Variants in ZBTB41 observed in about 807,000 individuals in gnomAD.
ZBTB41 encodes the protein zinc finger and BTB domain containing 41.
A neutral mutation model predicts 87.6 loss-of-function variants in ZBTB41; 42 were observed. The ratio of observed to expected loss-of-function variants is 0.48; its 90% CI spans 0.37 to 0.62. The LOEUF is 0.62. Among genes scored for constraint, ZBTB41 ranks in the 20% least tolerant of loss-of-function variants. The pLI is 0.00. For synonymous variants in ZBTB41, 364 were observed against 364.0 expected (o/e 1.00, Z 0.00); for missense variants, 799 against 1,078.9 (o/e 0.74, Z 3.63).
In ZBTB41 at chr1:197,172,179, C is replaced by G; in HGVS notation, c.2055G>C (p.Met685Ile). Residue 685 changes from methionine (M) to isoleucine (I), a missense_variant, in exon 10 of 11, where the codon ATG becomes ATC. Met to Ile is a conservative substitution (Grantham distance 10, BLOSUM62 1). Around this residue, in one of 5 missense-constraint regions of ZBTB41, gnomAD observed 198 missense variants for 358.4 expected, o/e 0.55. Coordinates refer to ENST00000367405, the MANE Select transcript of ZBTB41 (RefSeq NM_194314.3). ...KIFKGKSSLE[M>I]HFRTHSGEKP... Reference sequence around the variant, plus strand: ...TTTTACCTGAATGCGTTCGAAAATGCATTTCCAGACTTGATTTGCCTTTAA... The same window carrying G: ...TTTTACCTGAATGCGTTCGAAAATGGATTTCCAGACTTGATTTGCCTTTAA... The G allele has an allele frequency of 7.0e-7, 1 of 1,428,040 alleles. No homozygotes were observed. Among genetic ancestry groups the G allele is most frequent in the Non-Finnish European group, 9.3e-7 (1 of 1,077,312 alleles). The allele number at this position is 1,428,040 out of a possible 1,614,324, so 88.5% of individuals were successfully genotyped here.
chr1:197,159,316 T>C lies in ZBTB41; in HGVS notation c.*43A>G. Reference sequence around the variant, plus strand: ...ATTTAAAAGCTATCATCTCTACCATTAGCATATAACCATCCAAAAATCTGT... The same window carrying C: ...ATTTAAAAGCTATCATCTCTACCATCAGCATATAACCATCCAAAAATCTGT... On this transcript the variant is annotated 3_prime_UTR_variant, in exon 11 of 11. Coordinates refer to ENST00000367405, the MANE Select transcript of ZBTB41 (RefSeq NM_194314.3). The C allele has an allele frequency of 6.3e-7, 1 of 1,581,228 alleles. No individual in the cohort carries two copies. The highest frequency in any genetic ancestry group is 8.7e-7 in the Non-Finnish European group (1 of 1,155,082).
At chr1:197,172,561 T>C (rs911752816) in intron 9 of ZBTB41, among the ~76,000 whole-genome samples, 4 of 151,856 alleles carry the variant, frequency 2.6e-5, no homozygotes, top group Admixed American at 2.0e-4. Flanking sequence ...TATCCAAATA[T>C]ACAAAAAGAA....
rs1659266737 is a variant in ZBTB41, at chr1:197,164,378, T to C, written c.2075-4364A>G. On this transcript the variant is annotated intron_variant, in intron 10 of 10. Transcript: ENST00000367405. ...GAAAAAAGCATCAAGGAATCAATTG[T>C]GTGAACAGCATGATGATACATTCAA... 2.0e-5 allele frequency among the ~76,000 whole-genome samples: 3 copies of C among 151,834 alleles called. No homozygotes were observed. The South Asian group carries it at 6.2e-4, about 31-fold the overall frequency.
At chr1:197,199,103 G>A (rs10494749) in intron 2 of ZBTB41, among the ~76,000 whole-genome samples, 11,885 of 152,036 alleles carry the variant, frequency 0.078, 1,541 homozygotes, top group African/African-American at 0.27. Context: ...GTCTTTCATA[G>A]CAAATACATG....
rs538768267 is a variant in ZBTB41, at chr1:197,178,506, A to G, written c.1683T>C (p.Thr561=). ...TGTGGATTCTCAAATGTTCTTTCAA[A>G]GTAGTTCTGCATTAAAATATATAGA... The part of the protein sequence containing the change: ...ICGKSVRERT[T]LKEHLRIHSG... The change falls in exon 7 of 11, where the codon ACT becomes ACC. Residue 561 remains threonine, a synonymous_variant. Coordinates refer to ENST00000367405, the MANE Select transcript of ZBTB41 (RefSeq NM_194314.3). 5.8e-5 allele frequency: 93 copies of G among 1,603,422 alleles called. No homozygotes were observed. The East Asian group carries it at 2.1e-3, about 35-fold the overall frequency.
intron 5 of ZBTB41, among the ~76,000 whole-genome samples, chr1:197,183,446 C>G (rs1018162850): frequency 3.9e-5 from 6 of 152,194 alleles, no homozygotes; most frequent in African/African-American, 1.4e-4. Flanking sequence ...TCTACTTCCA[C>G]TTCTACATCA....
In ZBTB41 at chr1:197,182,489, C is replaced by T. The variant is rs534641474; in HGVS notation, c.1547-1372G>A. The stretch of plus-strand genomic sequence containing the variant: ...ACAGTATCTCACTAGGTTGCCCAGG[C>T]TGGTCTCAAACTCCTGGGCTCAAGT... On this transcript the variant is annotated intron_variant, in intron 5 of 10. Transcript: ENST00000367405. Among the ~76,000 whole-genome samples, 52 of 117,226 alleles carry T rather than the reference C, an allele frequency of 4.4e-4. No individual in the cohort carries two copies. In the Middle Eastern group the frequency reaches 0.017, roughly 39 times the overall value. The allele number at this position is 117,226 out of a possible 152,430, so 76.9% of individuals were successfully genotyped here. A position where few individuals can be genotyped will look rare whatever the true frequency, so the allele number is the denominator to read the frequency against.
At chr1:197,185,822 G>A (rs1046279721) in intron 5 of ZBTB41, among the ~76,000 whole-genome samples, 20 of 151,880 alleles carry the variant, frequency 1.3e-4, no homozygotes, top group Non-Finnish European at 2.2e-4. Flanking sequence ...TACAAAACTC[G>A]GATGAAAGAA....
Position 197,156,844 on chromosome 1 carries a change from G to C in ZBTB41, c.*2515C>G, listed in dbSNP as rs1462290686. 2.0e-5 allele frequency: 3 copies of C among 152,018 alleles called. No homozygotes were observed. Among genetic ancestry groups the C allele is most frequent in the African/African-American group, 7.3e-5 (3 of 41,338 alleles). 9.4% of individuals were successfully genotyped at this position (152,018 alleles called of 1,614,324 possible). ...ATTAAATGACAGGATGTAGTACCTG[G>C]CACATAGTAAGCATTCATTAATGCT... On this transcript the variant is annotated 3_prime_UTR_variant, in exon 11 of 11. Coordinates refer to ENST00000367405, the MANE Select transcript of ZBTB41 (RefSeq NM_194314.3).
chr1:197,179,982 A>G (rs893714526), intron 6 of ZBTB41, among the ~76,000 whole-genome samples: 1 of 152,038 alleles, frequency 6.6e-6, no homozygotes, highest in African/African-American at 2.4e-5. Context: ...CAGTGTTTAT[A>G]AAGTCTACAT....
At position 197,170,228 on chromosome 1, in the gene ZBTB41, A is replaced by AAT. The variant is rs1033139329; in HGVS notation, c.2074+1930_2074+1931dup. 6.1e-5 allele frequency among the ~76,000 whole-genome samples: 9 copies of AAT among 148,732 alleles called. No individual in the cohort carries two copies. The South Asian group carries it at 6.4e-4, about 11-fold the overall frequency. On this transcript the variant is annotated intron_variant, in intron 10 of 10. Coordinates refer to ENST00000367405, the MANE Select transcript of ZBTB41 (RefSeq NM_194314.3). ...AAATTCTAAAAAACAAAAATTTAGC[A>AAT]ATATATATATAATGAACTAAGGGTA...
At chr1:197,176,290 C>A (rs930078436) in intron 8 of ZBTB41, among the ~76,000 whole-genome samples, 1 of 151,992 alleles carries the variant, frequency 6.6e-6, no homozygotes, top group Non-Finnish European at 1.5e-5. Context: ...ATGTAATATG[C>A]AAAATGCAAA....
intron 10 of ZBTB41, among the ~76,000 whole-genome samples, chr1:197,164,724 T>G (rs376744594): frequency 2.8e-5 from 3 of 105,580 alleles, no homozygotes; most frequent in African/African-American, 1.0e-4. Flanking sequence ...ATATATATTA[T>G]ATATAATACG....
chr1:197,184,043 G>A (rs1234240711), intron 5 of ZBTB41, among the ~76,000 whole-genome samples: 1 of 152,254 alleles, frequency 6.6e-6, no homozygotes, highest in East Asian at 1.9e-4. Flanking sequence ...TCCCTCTGAT[G>A]TTTCTACAAG....
At chr1:197,168,983 GT>G (rs1053217360) in intron 10 of ZBTB41, among the ~76,000 whole-genome samples, 1 of 151,790 alleles carries the variant, frequency 6.6e-6, no homozygotes, top group Non-Finnish European at 1.5e-5. Flanking sequence ...ACAAGAACAG[GT>G]ATTCAACATC....
At chr1:197,175,446 A>ATATATATATATATATATATATATG (rs1557979386) in intron 8 of ZBTB41, among the ~76,000 whole-genome samples, 1 of 142,400 alleles carries the variant, frequency 7.0e-6, no homozygotes, top group Non-Finnish European at 1.5e-5. Flanking sequence ...ATATATATAT[A>ATATATATATATATATATATATATG]TATGTCTGTA....
Position 197,157,508 on chromosome 1 carries a change from A to G in ZBTB41, c.*1851T>C, listed in dbSNP as rs1190075787. 6.6e-6 allele frequency: 1 copy of G among 152,038 alleles called. No homozygotes were observed. The highest frequency in any genetic ancestry group is 1.5e-5 in the Non-Finnish European group (1 of 67,736). The allele number at this position is 152,038 out of a possible 1,614,324, so 9.4% of individuals were successfully genotyped here. A position where few individuals can be genotyped will look rare whatever the true frequency, so the allele number is the denominator to read the frequency against. ...TTTTAAAAGTCAATTTGAAAGACTA[A>G]CAGACTAACAGTACCTCATATAGTC... On this transcript the variant is annotated 3_prime_UTR_variant, in exon 11 of 11. Coordinates refer to ENST00000367405, the MANE Select transcript of ZBTB41 (RefSeq NM_194314.3).
In ZBTB41 at chr1:197,200,086, G is replaced by T; in HGVS notation, c.388C>A (p.His130Asn). The change falls in exon 2 of 11, where the codon CAC becomes AAC. Residue 130 changes from histidine (H) to asparagine (N), a missense_variant. Physicochemically the swap from His to Asn is moderately conservative, Grantham distance 68 (BLOSUM62 1). This residue lies in a region of ZBTB41 where 59 missense variants were observed against 120.1 expected (regional missense o/e 0.49). Transcript: ENST00000367405. The stretch of plus-strand genomic sequence containing the variant: ...TGCTGAAAAACTGAATGTGTTACGT[G>T]ATCCAGGGTGACAACATCAGTGCTT... ...NPSTDVVTLD[H>N]VTHSVFQHLL... is the part of the protein sequence containing the mutation. The T allele has an allele frequency of 6.2e-7, 1 of 1,613,470 alleles. No homozygotes were observed. The highest frequency in any genetic ancestry group is 8.5e-7 in the Non-Finnish European group (1 of 1,179,910).
intron 9 of ZBTB41, among the ~76,000 whole-genome samples, chr1:197,174,446 A>G (rs564602141): frequency 2.6e-5 from 4 of 152,158 alleles, no homozygotes; most frequent in African/African-American, 9.6e-5. Context: ...TATGCTCAGG[A>G]CTATTAAGTG....
Sources: allele counts gnomAD v4.1 joint callset (sites outside exome capture counted in the v4.1 genomes callset), GRCh38; gene constraint gnomAD v4.1.1; regional missense constraint gnomAD v4.1.1; transcripts MANE v1.5; gene names NCBI Gene and HGNC (gene_info 2026-07-23, HGNC 2026-07-21).